Variants in VRK2 observed in about 807,000 individuals in gnomAD.
The protein encoded by VRK2 is serine/threonine-protein kinase VRK2.
VRK2 carries 60 observed loss-of-function variants against 57.6 expected under a neutral mutation model. The observed-to-expected ratio is 1.04, with a 90% CI of 0.85 to 1.29. The LOEUF (loss-of-function observed/expected upper bound fraction) is 1.29, where lower values mean the gene tolerates loss of function less well. Ranked by LOEUF, VRK2 falls within the 50% of genes most tolerant of loss-of-function variation. VRK2 has a pLI of 0.00. For synonymous variants in VRK2, 231 were observed against 199.2 expected (o/e 1.16, Z -1.35); for missense variants, 705 against 588.1 (o/e 1.20, Z -2.06).
intron 1 of VRK2, among the ~76,000 whole-genome samples, chr2:58,021,538 C>G (rs1476419973): frequency 6.6e-6 from 1 of 152,072 alleles, no homozygotes; most frequent in Non-Finnish European, 1.5e-5. Context: ...AATACTATGA[C>G]CGTTTATCTG....
intron 3 of VRK2, among the ~76,000 whole-genome samples, chr2:58,034,900 T>A (rs1674228158): frequency 6.6e-6 from 1 of 152,148 alleles, no homozygotes; most frequent in East Asian, 1.9e-4. Context: ...TGCCAGGTCA[T>A]TGCCCCATGA....
intron 7 of VRK2, among the ~76,000 whole-genome samples, chr2:58,117,286 G>T (rs2104451561): frequency 6.6e-6 from 1 of 152,278 alleles, no homozygotes; most frequent in East Asian, 1.9e-4. Flanking sequence ...CCTTGACTAT[G>T]CCTTTGGCTC....
chr2:58,059,430 AC>A (rs1677008331), intron 2 of VRK2, among the ~76,000 whole-genome samples: 1 of 151,962 alleles, frequency 6.6e-6, no homozygotes. Flanking sequence ...AAAAATAGAT[AC>A]CTTTATAAAT....
chr2:58,159,732 T>C lies in VRK2; in HGVS notation c.*39T>C, dbSNP rs552335433. ...ATTCCTTTTGATAATTTTTTAAGTT[T>C]CCAGCTCTTCACCGAAATGTTGTAT... On this transcript the variant is annotated 3_prime_UTR_variant, in exon 13 of 13. Transcript: ENST00000340157. The C allele has an allele frequency of 6.2e-7, 1 of 1,612,798 alleles. No individual in the cohort carries two copies. Among genetic ancestry groups the C allele is most frequent in the African/African-American group, 1.3e-5 (1 of 74,966 alleles).
At chr2:58,003,004 G>A (rs534687278) in intron 1 of VRK2, among the ~76,000 whole-genome samples, 1 of 152,258 alleles carries the variant, frequency 6.6e-6, no homozygotes, top group Non-Finnish European at 1.5e-5. Flanking sequence ...TCTAAAATTA[G>A]TTAATGATTC....
chr2:58,065,859 A>G (rs1668535007), intron 2 of VRK2, among the ~76,000 whole-genome samples: 1 of 151,958 alleles, frequency 6.6e-6, no homozygotes, highest in Admixed American at 6.6e-5. Flanking sequence ...CATTTTTTGG[A>G]GCTATTGAAA....
chr2:58,048,717 C>G (rs1352870191), intron 1 of VRK2, 110 bp from the exon 2 acceptor site: 1 of 1,496,950 alleles, frequency 6.7e-7, no homozygotes, highest in Non-Finnish European at 8.9e-7. Flanking sequence ...ATCCTAATTT[C>G]TGGGAACCTG....
intron 1 of VRK2, among the ~76,000 whole-genome samples, chr2:57,911,774 A>T (rs1375065712): frequency 6.6e-6 from 1 of 152,216 alleles, no homozygotes; most frequent in Non-Finnish European, 1.5e-5. Context: ...GAAATCTGAA[A>T]ATCAGACCAA....
chr2:58,057,529 AGTAGT>A (rs2103859157), intron 2 of VRK2, among the ~76,000 whole-genome samples: 1 of 152,260 alleles, frequency 6.6e-6, no homozygotes, highest in Non-Finnish European at 1.5e-5. Context: ...AGTTCTTCTG[AGTAGT>A]ATTTAATTGA....
At chr2:57,976,082 C>T (rs191773921) in intron 1 of VRK2, among the ~76,000 whole-genome samples, 18 of 152,146 alleles carry the variant, frequency 1.2e-4, no homozygotes, top group African/African-American at 4.1e-4. Context: ...CATATTGCTG[C>T]AAAGGACATT....
intron 2 of VRK2, among the ~76,000 whole-genome samples, chr2:58,050,971 A>G (rs981552889): frequency 1.3e-5 from 2 of 152,018 alleles, no homozygotes; most frequent in South Asian, 4.2e-4. Flanking sequence ...CAACCTCCCA[A>G]GCATCTGGGA....
intron 5 of VRK2, among the ~76,000 whole-genome samples, chr2:58,087,839 T>G (rs890025065): frequency 5.9e-5 from 9 of 152,054 alleles, no homozygotes; most frequent in Non-Finnish European, 1.2e-4. Context: ...ATACAAAAAT[T>G]AGCTGGGTGT....
chr2:58,046,722 G>T (rs1373341158), upstream of VRK2: 7 of 985,434 alleles, frequency 7.1e-6, no homozygotes, highest in African/African-American at 3.5e-5. Flanking sequence ...GACGCAGCTG[G>T]AGAGAAGTTA....
chr2:57,948,765 C>T (rs555283420), intron 1 of VRK2, among the ~76,000 whole-genome samples: 17 of 151,954 alleles, frequency 1.1e-4, no homozygotes, highest in Admixed American at 9.2e-4. Flanking sequence ...TAGTTGAGCA[C>T]CCCAAAAATA....
intron 2 of VRK2, among the ~76,000 whole-genome samples, chr2:58,083,536 C>CT: frequency 6.6e-6 from 1 of 151,734 alleles, no homozygotes; most frequent in Non-Finnish European, 1.5e-5. Context: ...AATTGATTAG[C>CT]AGGTTCAGAA....
intron 3 of VRK2, among the ~76,000 whole-genome samples, chr2:58,040,085 T>C (rs1032908923): frequency 6.6e-6 from 1 of 151,962 alleles, no homozygotes; most frequent in African/African-American, 2.4e-5. Flanking sequence ...CTAATTTTTT[T>C]TACTTTTTAT....
chr2:58,014,143 T>C (rs1673501944), intron 1 of VRK2, among the ~76,000 whole-genome samples: 1 of 152,152 alleles, frequency 6.6e-6, no homozygotes, highest in African/African-American at 2.4e-5. Flanking sequence ...AGTTTTAAAA[T>C]TGATACATGT....
chr2:57,981,132 G>C (rs990185252), intron 1 of VRK2, among the ~76,000 whole-genome samples: 1 of 152,196 alleles, frequency 6.6e-6, no homozygotes, highest in African/African-American at 2.4e-5. Flanking sequence ...TATAATGTCA[G>C]TGGGCTATGT....
At chr2:57,977,901 T>C (rs1265297287) in intron 1 of VRK2, among the ~76,000 whole-genome samples, 1 of 151,160 alleles carries the variant, frequency 6.6e-6, no homozygotes, top group East Asian at 1.9e-4. Context: ...CTTCAATGAC[T>C]AGTTTGTTGA....
Sources: gnomAD v4.1 joint callset for allele counts (sites outside exome capture counted in the v4.1 genomes callset) on GRCh38, gnomAD v4.1.1 for gene constraint, MANE v1.5 for transcripts, NCBI Gene and HGNC (gene_info 2026-07-23, HGNC 2026-07-21) for gene names.